BMP6: variants seen among roughly 807,000 people sequenced by gnomAD.
The protein encoded by BMP6 is VG-1-R.
A neutral mutation model predicts 54.1 loss-of-function variants in BMP6; 17 were observed. That is an observed-to-expected ratio of 0.31 (90% CI 0.22 to 0.47). BMP6 has a LOEUF of 0.47. Ranked by LOEUF, BMP6 falls within the 20% of genes least tolerant of loss-of-function variation. BMP6 has a pLI of 1.00. For missense variants in BMP6, 720 were observed against 690.4 expected, an observed-to-expected ratio of 1.04 and a Z score of -0.48; for synonymous variants, 328 against 291.2, an observed-to-expected ratio of 1.13 and a Z score of -1.28.
chr6:7,840,801 T>C (rs938139236), intron 1 of BMP6, among the ~76,000 whole-genome samples: 2 of 152,156 alleles, frequency 1.3e-5, no homozygotes, highest in African/African-American at 4.8e-5. Flanking sequence ...TCCTTGAAAT[T>C]TAAAAATTCT....
At chr6:7,825,802 A>C (rs1195016596) in intron 1 of BMP6, among the ~76,000 whole-genome samples, 1 of 152,076 alleles carries the variant, frequency 6.6e-6, no homozygotes, top group African/African-American at 2.4e-5. Context: ...CATTTGAAGT[A>C]CACACCCCTT....
chr6:7,876,253 A>T (rs544458863), intron 4 of BMP6, among the ~76,000 whole-genome samples: 1 of 152,114 alleles, frequency 6.6e-6, no homozygotes, highest in Non-Finnish European at 1.5e-5. Flanking sequence ...TGTGTTTCTT[A>T]GTAATTTTCT....
At chr6:7,866,467 G>T (rs1759426182) in intron 4 of BMP6, among the ~76,000 whole-genome samples, 1 of 152,174 alleles carries the variant, frequency 6.6e-6, no homozygotes, top group South Asian at 2.1e-4. Flanking sequence ...TCTTCTGGGG[G>T]ACTGTGATAC....
chr6:7,802,809 C>T (rs1006978275), intron 1 of BMP6, among the ~76,000 whole-genome samples: 5 of 152,196 alleles, frequency 3.3e-5, no homozygotes, highest in Non-Finnish European at 7.3e-5. Flanking sequence ...GCCTTCTTTC[C>T]AGATGGTGAG....
chr6:7,820,975 A>C (rs1438150214), intron 1 of BMP6, among the ~76,000 whole-genome samples: 1 of 152,238 alleles, frequency 6.6e-6, no homozygotes, highest in Non-Finnish European at 1.5e-5. Context: ...GGTGGAGCTC[A>C]GGCGGAAATG....
chr6:7,797,115 A>G (rs1264228515), intron 1 of BMP6, among the ~76,000 whole-genome samples: 1 of 152,242 alleles, frequency 6.6e-6, no homozygotes, highest in East Asian at 1.9e-4. Flanking sequence ...AACCAACCCA[A>G]TAATGAGTAT....
chr6:7,737,040 T>C (rs746530884), intron 1 of BMP6, among the ~76,000 whole-genome samples: 1 of 151,832 alleles, frequency 6.6e-6, no homozygotes, highest in Non-Finnish European at 1.5e-5. Flanking sequence ...ATACAAAAAC[T>C]AGCCAGGCGT....
chr6:7,794,608 A>G (rs969017201), intron 1 of BMP6, among the ~76,000 whole-genome samples: 1 of 120,670 alleles, frequency 8.3e-6, no homozygotes, highest in Non-Finnish European at 1.7e-5. Flanking sequence ...CCAAAAGAAA[A>G]AAAAAAAAAA....
At chr6:7,820,480 AC>A (rs1329470478) in intron 1 of BMP6, among the ~76,000 whole-genome samples, 1 of 151,966 alleles carries the variant, frequency 6.6e-6, no homozygotes, top group Non-Finnish European at 1.5e-5. Flanking sequence ...GCTTCACGTG[AC>A]CCCTTCTGTC....
At chr6:7,853,192 T>G (rs374793501) in intron 2 of BMP6, among the ~76,000 whole-genome samples, 13 of 152,288 alleles carry the variant, frequency 8.5e-5, no homozygotes, top group East Asian at 5.8e-4. Context: ...CTAAGAGAAC[T>G]TCAAACAAGT....
At chr6:7,758,672 A>G (rs1015099777) in intron 1 of BMP6, among the ~76,000 whole-genome samples, 2 of 152,250 alleles carry the variant, frequency 1.3e-5, no homozygotes, top group Non-Finnish European at 2.9e-5. Flanking sequence ...AGGATCAGTC[A>G]TAGAAGGCGG....
chr6:7,793,765 C>T (rs1434560689), intron 1 of BMP6, among the ~76,000 whole-genome samples: 1 of 152,156 alleles, frequency 6.6e-6, no homozygotes, highest in Non-Finnish European at 1.5e-5. Flanking sequence ...ATGGGGAGTT[C>T]ACATGGCTTC....
In BMP6 at chr6:7,788,871, GTTT is replaced by G. The variant is rs10532545; in HGVS notation, c.665-56254_665-56252del. 4.6e-3 allele frequency among the ~76,000 whole-genome samples: 640 copies of G among 140,396 alleles called. 6 individuals carry two copies. The highest frequency in any genetic ancestry group is 0.029 in the East Asian group (144 of 4,890). The allele number at this position is 140,396 out of a possible 152,430, so 92.1% of individuals were successfully genotyped here. A position where few individuals can be genotyped will look rare whatever the true frequency, so the allele number is the denominator to read the frequency against. Reference sequence around the variant, plus strand: ...CCACCCCTTATTCCATCCTATCTCTGTTTTTTTTTTTTTTTTTAAAGTGTTCTG... The same window carrying G: ...CCACCCCTTATTCCATCCTATCTCTGTTTTTTTTTTTTTTAAAGTGTTCTG... On this transcript the variant is annotated intron_variant, in intron 1 of 6. Coordinates refer to ENST00000283147, the MANE Select transcript of BMP6 (RefSeq NM_001718.6).
chr6:7,840,084 A>G (rs1272267958), intron 1 of BMP6, among the ~76,000 whole-genome samples: 1 of 152,132 alleles, frequency 6.6e-6, no homozygotes, highest in African/African-American at 2.4e-5. Flanking sequence ...TGAGCCATTC[A>G]CCCGCTGACA....
intron 1 of BMP6, among the ~76,000 whole-genome samples, chr6:7,764,583 G>A (rs904789080): frequency 3.3e-5 from 5 of 152,156 alleles, no homozygotes; most frequent in African/African-American, 1.2e-4. Flanking sequence ...TTATATGGAG[G>A]TCAGATTTCT....
intron 2 of BMP6, among the ~76,000 whole-genome samples, chr6:7,847,695 C>T (rs267195): frequency 0.41 from 61,930 of 151,858 alleles, 13,405 homozygotes; most frequent in East Asian, 0.72. Context: ...GTGTGTCAGC[C>T]TTCTGATATT....
intron 1 of BMP6, among the ~76,000 whole-genome samples, chr6:7,799,375 A>G (rs1365930630): frequency 6.6e-6 from 1 of 152,158 alleles, no homozygotes; most frequent in Non-Finnish European, 1.5e-5. Context: ...AATTCAGAAA[A>G]CTGCTAGTCA....
chr6:7,837,899 G>T (rs1235452937), intron 1 of BMP6, among the ~76,000 whole-genome samples: 3 of 152,188 alleles, frequency 2.0e-5, no homozygotes, highest in African/African-American at 4.8e-5. Flanking sequence ...ATATTTCTAT[G>T]TTTAAAGGAA....
At chr6:7,792,017 G>GATGGATGA (rs1758116457) in intron 1 of BMP6, among the ~76,000 whole-genome samples, 1 of 150,506 alleles carries the variant, frequency 6.6e-6, no homozygotes, top group Non-Finnish European at 1.5e-5. Flanking sequence ...TGGATGGATG[G>GATGGATGA]ATGGATGGAT....
Sources: gnomAD v4.1 joint callset for allele counts (sites outside exome capture counted in the v4.1 genomes callset) on GRCh38, gnomAD v4.1.1 for gene constraint, MANE v1.5 for transcripts, NCBI Gene and HGNC (gene_info 2026-07-23, HGNC 2026-07-21) for gene names.